NBEAL2: variants seen among roughly 807,000 people sequenced by gnomAD.
NBEAL2 encodes the protein neurobeachin like 2, also known as neurobeachin-like protein 2.
Under a neutral mutation model 299.8 loss-of-function variants are expected in NBEAL2, and 160 were observed. The ratio of observed to expected loss-of-function variants is 0.53; its 90% CI spans 0.47 to 0.61. The LOEUF is 0.61. NBEAL2 is among the 20% of genes least tolerant of loss of function. The pLI is 0.00. For missense variants in NBEAL2, 3,112 were observed against 3,649.0 expected (o/e 0.85, Z 3.79); for synonymous variants, 1,493 against 1,542.3 (o/e 0.97, Z 0.75).
chr3:46,992,035 T>G (rs1268374217), intron 9 of NBEAL2, 89 bp downstream of exon 9: 3 of 1,163,526 alleles, frequency 2.6e-6, no homozygotes, highest in Non-Finnish European at 3.8e-6. Context: ...TGAGCAAACA[T>G]GGGCTGGACA....
At chr3:46,997,232 C>A in intron 18 of NBEAL2, 27 bp from the exon 19 acceptor site, 1 of 1,611,138 alleles carries the variant, frequency 6.2e-7, no homozygotes, top group Non-Finnish European at 8.5e-7. Context: ...TGGAAGGTCC[C>A]CCTCACTGCC....
chr3:46,988,901 C>T lies in NBEAL2; in HGVS notation c.200C>T (p.Ala67Val). 1 of 1,612,730 alleles carries T rather than the reference C, an allele frequency of 6.2e-7. No individual in the cohort carries two copies. The highest frequency in any genetic ancestry group is 8.5e-7 in the Non-Finnish European group (1 of 1,179,140). The change falls in exon 3 of 54, where the codon GCC becomes GTC. Residue 67 changes from alanine to valine, a missense_variant. Physicochemically the swap from Ala to Val is moderately conservative, Grantham distance 64. Transcript: ENST00000450053. This position sits in a 1 kb window ranked among gnomAD's most constrained non-coding sequence, Gnocchi z 4.4. The stretch of plus-strand genomic sequence containing the variant: ...CCACTGGATGAGCTGCATGTGCTGG[C>T]CGAACAGCTGCACCAGGCTGACCTG... ...LLPLDELHVL[A>V]EQLHQADLEQ...
Position 47,005,729 on chromosome 3 carries a change from C to T in NBEAL2, c.6692-9C>T. 1 of 1,613,218 alleles carries T rather than the reference C, an allele frequency of 6.2e-7. No individual in the cohort carries two copies. Among genetic ancestry groups the T allele is most frequent in the Non-Finnish European group, 8.5e-7 (1 of 1,179,770 alleles). ...ACAGGGAGACAGCTGACCCAGTCCT[C>T]TGTGCCAGGTTTTGACCTGGGCTGT... On this transcript the variant is annotated splice_polypyrimidine_tract_variant and intron_variant, in intron 41 of 53. Transcript: ENST00000450053.
Position 47,004,819 on chromosome 3 carries a change from C to T in NBEAL2, c.6295-153C>T. ...CCTCAAAAGGAATCCTGTTCCAGGACACTCTGTCCTTCTCCCCTGTGACCC... is the reference window on the plus strand; with the variant it reads ...CCTCAAAAGGAATCCTGTTCCAGGATACTCTGTCCTTCTCCCCTGTGACCC... On this transcript the variant is annotated intron_variant, in intron 38 of 53. Transcript: ENST00000450053. This position sits in a 1 kb window ranked among gnomAD's most constrained non-coding sequence, Gnocchi z 5.0. 8.3e-7 allele frequency: 1 copy of T among 1,211,912 alleles called. No homozygotes were observed. The highest frequency in any genetic ancestry group is 1.2e-6 in the Non-Finnish European group (1 of 867,024). 75.1% of individuals were successfully genotyped at this position (1,211,912 alleles called of 1,614,324 possible). A position where few individuals can be genotyped will look rare whatever the true frequency, so the allele number is the denominator to read the frequency against.
intron 45 of NBEAL2, 102 bp downstream of exon 45, chr3:47,006,551 A>G: frequency 8.7e-7 from 1 of 1,152,680 alleles, no homozygotes; most frequent in Admixed American, 2.0e-5. Flanking sequence ...AATCAAGGTC[A>G]CTGATTTCAA....
Position 46,998,277 on chromosome 3 carries a change from G to A in NBEAL2, c.3118+51G>A, listed in dbSNP as rs2036660124. 10 of 1,580,272 alleles carry A rather than the reference G, an allele frequency of 6.3e-6. No homozygotes were observed. The South Asian group carries it at 9.2e-5, about 14-fold the overall frequency. ...GCCGGCCATAGGGCAGCTGAGCACTGAGAAGTTAGAACTCTGCTCTGGGGG... is the reference window on the plus strand; with the variant it reads ...GCCGGCCATAGGGCAGCTGAGCACTAAGAAGTTAGAACTCTGCTCTGGGGG... On this transcript the variant is annotated intron_variant, in intron 21 of 53. Transcript: ENST00000450053.
chr3:47,001,338 T>C lies in NBEAL2; in HGVS notation c.4544T>C (p.Val1515Ala), dbSNP rs749410456. 1.1e-5 allele frequency: 18 copies of C among 1,612,658 alleles called. No homozygotes were observed. Among genetic ancestry groups the C allele is most frequent in the Non-Finnish European group, 6.8e-6 (8 of 1,179,670 alleles). The change falls in exon 29 of 54, where the codon GTC becomes GCC. Residue 1515 changes from valine to alanine, a missense_variant. Val to Ala is a moderately conservative substitution (Grantham distance 64, BLOSUM62 0). Transcript: ENST00000450053. This position sits in a 1 kb window ranked among gnomAD's most constrained non-coding sequence, Gnocchi z 6.1. Reference protein sequence around the residue: ...LTDIKEAPVGVLASLTQQALW... With the variant: ...LTDIKEAPVGALASLTQQALW... The stretch of plus-strand genomic sequence containing the variant: ...GACATCAAAGAGGCCCCCGTGGGGG[T>C]CCTGGCCAGCCTCACCCAGCAAGCG...
Position 46,989,674 on chromosome 3 carries a change from C to G in NBEAL2, c.556+81C>G. On this transcript the variant is annotated intron_variant, in intron 6 of 53. Transcript: ENST00000450053. This position sits in a 1 kb window ranked among gnomAD's most constrained non-coding sequence, Gnocchi z 5.5. ...TGTCGTTCCTTGATCCTGCCATACA[C>G]AGGAACCACTTGGTGGTGGCTGCAT... 7.9e-7 allele frequency: 1 copy of G among 1,268,484 alleles called. No individual in the cohort carries two copies. The highest frequency in any genetic ancestry group is 2.0e-5 in the Admixed American group (1 of 50,538). The allele number at this position is 1,268,484 out of a possible 1,614,324, so 78.6% of individuals were successfully genotyped here.
intron 6 of NBEAL2, among the ~76,000 whole-genome samples, chr3:46,990,974 G>A (rs1203334527): frequency 2.0e-5 from 3 of 152,148 alleles, no homozygotes; most frequent in Non-Finnish European, 4.4e-5. Context: ...TAGACTCTCA[G>A]GGCTGGTCTT....
intron 43 of NBEAL2, 47 bp downstream of exon 43, chr3:47,006,110 C>T (rs745949878): frequency 1.8e-5 from 29 of 1,612,448 alleles, no homozygotes; most frequent in Non-Finnish European, 1.9e-5. Context: ...AAGATCAGGT[C>T]GGGTGGATGC....
In NBEAL2 at chr3:46,996,356, C is replaced by G; in HGVS notation, c.2237C>G (p.Thr746Ser). ...TGLPTPPVPA[T>S]LAYTHPALTR... The stretch of plus-strand genomic sequence containing the variant: ...CTGCCCACACCACCAGTCCCCGCCA[C>G]CCTGGCCTACACTCACCCCGCCCTC... The change falls in exon 16 of 54, where the codon ACC (threonine) becomes AGC (serine). Residue 746 changes from threonine to serine, a missense_variant. Thr to Ser is a moderately conservative substitution (Grantham distance 58). Around this residue, in one of 3 missense-constraint regions of NBEAL2, gnomAD observed 2,243 missense variants for 2,538.1 expected, o/e 0.88. Transcript: ENST00000450053. 1 of 1,612,552 alleles carries G rather than the reference C, an allele frequency of 6.2e-7. No individual in the cohort carries two copies. Among genetic ancestry groups the G allele is most frequent in the Non-Finnish European group, 8.5e-7 (1 of 1,179,844 alleles).
At position 47,002,673 on chromosome 3, in the gene NBEAL2, G is replaced by T; in HGVS notation, c.5330G>T (p.Arg1777Leu). 6.2e-7 allele frequency: 1 copy of T among 1,607,686 alleles called. No individual in the cohort carries two copies. Among genetic ancestry groups the T allele is most frequent in the East Asian group, 2.2e-5 (1 of 44,716 alleles). Residue 1777 changes from arginine to leucine, a missense_variant, in exon 33 of 54, where the codon CGG becomes CTG. Coordinates refer to ENST00000450053, the MANE Select transcript of NBEAL2 (RefSeq NM_015175.3). Reference sequence around the variant, plus strand: ...CTGGTGCTGGAACCTGCGCAGAGGCGGGCGCGCCTGGAGGGGCTACGCTAC... The same window carrying T: ...CTGGTGCTGGAACCTGCGCAGAGGCTGGCGCGCCTGGAGGGGCTACGCTAC... ...QELVLEPAQR[R>L]ARLEGLRYTA...
In NBEAL2 at chr3:47,000,182, A is replaced by T; in HGVS notation, c.4083A>T (p.Glu1361Asp). The T allele has an allele frequency of 1.2e-6, 2 of 1,613,768 alleles. No individual in the cohort carries two copies. The highest frequency in any genetic ancestry group is 2.2e-5 in the South Asian group (2 of 91,088). The change falls in exon 27 of 54, where the codon GAA (glutamate) becomes GAT (aspartate). Residue 1361 changes from glutamate (E) to aspartate (D), a missense_variant. Transcript: ENST00000450053. The surrounding 1 kb of genome is among the most constrained non-coding windows in gnomAD (Gnocchi z 4.5). ...PFCTPFDLGL[E>D]RSSVGSGNTA... ...GCACGCCCTTTGACCTGGGCCTGGA[A>T]CGGTCTAGTGTAGGATCAGGCAACA...
Position 47,009,438 on chromosome 3 carries a change from C to A in NBEAL2, c.*118C>A. On this transcript the variant is annotated 3_prime_UTR_variant, in exon 54 of 54. Transcript: ENST00000450053. Reference sequence around the variant, plus strand: ...AGCCCAGGGGGGTGAGCGGGGCCCACCCTGCCCAGCTCAGGGATTGGCGGG... The same window carrying A: ...AGCCCAGGGGGGTGAGCGGGGCCCAACCTGCCCAGCTCAGGGATTGGCGGG... The A allele has an allele frequency of 1.1e-6, 1 of 898,332 alleles. No individual in the cohort carries two copies. Among genetic ancestry groups the A allele is most frequent in the Non-Finnish European group, 1.7e-6 (1 of 583,034 alleles). The allele number at this position is 898,332 out of a possible 1,614,324, so 55.6% of individuals were successfully genotyped here.
chr3:47,008,841 C>T (rs1343854405), intron 52 of NBEAL2, 148 bp from the exon 53 acceptor site: 5 of 1,436,602 alleles, frequency 3.5e-6, no homozygotes, highest in Non-Finnish European at 4.7e-6. Context: ...CGCTTAGCCA[C>T]AGTTGTGGGA....
chr3:46,994,622 T>C, intron 12 of NBEAL2, 69 bp downstream of exon 12: 1 of 1,334,484 alleles, frequency 7.5e-7, no homozygotes. Flanking sequence ...CCACAGATGG[T>C]GAGCTCTCCA....
At chr3:46,980,653 C>G (rs7631423) in intron 1 of NBEAL2, among the ~76,000 whole-genome samples, 56,895 of 152,096 alleles carry the variant, frequency 0.37, 11,220 homozygotes, top group Middle Eastern at 0.53. Flanking sequence ...CTGAGCTCCC[C>G]ACCCATCTCA....
intron 10 of NBEAL2, 85 bp downstream of exon 10, chr3:46,992,640 A>C: frequency 3.1e-6 from 4 of 1,309,566 alleles, no homozygotes; most frequent in Non-Finnish European, 4.3e-6. Flanking sequence ...GGAAATGAGC[A>C]GATGTGTGTA....
At chr3:47,007,965 CCGT>C (rs2037585043) in intron 49 of NBEAL2, 55 bp downstream of exon 49, 1 of 1,583,072 alleles carries the variant, frequency 6.3e-7, no homozygotes, top group African/African-American at 1.3e-5. Context: ...TGCAGCCCAT[CCGT>C]CCCTCAGTGG....
Sources: allele counts gnomAD v4.1 joint callset (sites outside exome capture counted in the v4.1 genomes callset), GRCh38; gene constraint gnomAD v4.1.1; regional missense constraint gnomAD v4.1.1; non-coding constraint Gnocchi (gnomAD v3.1); transcripts MANE v1.5; gene names NCBI Gene and HGNC (gene_info 2026-07-23, HGNC 2026-07-21).